The following DCC variants were observed in gnomAD, a reference collection of about 807,000 sequenced individuals.
DCC encodes netrin receptor DCC.
A neutral mutation model predicts 172.5 loss-of-function variants in DCC; 58 were observed. The ratio of observed to expected loss-of-function variants is 0.34; its 90% CI spans 0.27 to 0.42. The LOEUF (loss-of-function observed/expected upper bound fraction) is 0.42, where lower values mean the gene tolerates loss of function less well. Ranked by LOEUF, DCC falls within the 10% of genes least tolerant of loss-of-function variation. The pLI is 1.00. For synonymous variants in DCC, 709 were observed against 644.5 expected (o/e 1.10, Z -1.52); for missense variants, 1,740 against 1,791.0 (o/e 0.97, Z 0.51).
Position 52,668,484 on chromosome 18 carries a change from G to A in DCC, c.92-83570G>A, listed in dbSNP as rs552611726. On this transcript the variant is annotated intron_variant, in intron 1 of 28. Transcript: ENST00000442544. ...TTAATTAAGTGCTGTTAGTTCACAA[G>A]ATGATCTCTCATCTTGAAAGTGTCT... Among the ~76,000 whole-genome samples the A allele has an allele frequency of 2.0e-5, 3 of 152,276 alleles. No homozygotes were observed. In the South Asian group the frequency reaches 6.2e-4, roughly 32 times the overall value.
At chr18:52,393,684 T>C (rs1372156756) in intron 1 of DCC, among the ~76,000 whole-genome samples, 7 of 152,070 alleles carry the variant, frequency 4.6e-5, no homozygotes, top group African/African-American at 1.7e-4. Context: ...CAGGAAATTC[T>C]AAAACCTGTT....
intron 1 of DCC, among the ~76,000 whole-genome samples, chr18:52,697,368 C>A (rs1467727418): frequency 6.6e-6 from 1 of 152,134 alleles, no homozygotes; most frequent in African/African-American, 2.4e-5. Context: ...ATGATGTGTT[C>A]ATGGCAGCGA....
intron 2 of DCC, among the ~76,000 whole-genome samples, chr18:52,768,603 A>G (rs1480299103): frequency 6.6e-6 from 1 of 152,168 alleles, no homozygotes; most frequent in Non-Finnish European, 1.5e-5. Context: ...CAACATTTGT[A>G]TTATGTTGTG....
intron 1 of DCC, among the ~76,000 whole-genome samples, chr18:52,574,921 A>G: frequency 6.6e-6 from 1 of 152,182 alleles, no homozygotes; most frequent in South Asian, 2.1e-4. Flanking sequence ...TTAGAAATGC[A>G]AAGTCATAGA....
At chr18:52,964,702 A>G (rs1038573512) in intron 5 of DCC, among the ~76,000 whole-genome samples, 2 of 152,000 alleles carry the variant, frequency 1.3e-5, no homozygotes, top group African/African-American at 4.8e-5. Context: ...CTAGTTTCCT[A>G]TTACTGCTGT....
rs151329802 is a variant in DCC, at chr18:53,475,755, C to A, written c.3736+7745C>A. On this transcript the variant is annotated intron_variant, in intron 25 of 28. Transcript: ENST00000442544. ...TCAGAGCCCCCACACAGAGTCCCTACTGGGTCACCATCTAGTGGAGCTGTG... is the reference window on the plus strand; with the variant it reads ...TCAGAGCCCCCACACAGAGTCCCTAATGGGTCACCATCTAGTGGAGCTGTG... Among the ~76,000 whole-genome samples the A allele has an allele frequency of 1.1e-4, 17 of 152,332 alleles. No homozygotes were observed. The South Asian group carries it at 2.5e-3, about 22-fold the overall frequency.
intron 5 of DCC, among the ~76,000 whole-genome samples, chr18:53,021,420 C>T (rs2041879971): frequency 6.6e-6 from 1 of 152,056 alleles, no homozygotes; most frequent in Admixed American, 6.6e-5. Flanking sequence ...ATATCGTGTT[C>T]TATTATGAGT....
At chr18:52,636,366 G>T (rs1423751864) in intron 1 of DCC, among the ~76,000 whole-genome samples, 1 of 126,278 alleles carries the variant, frequency 7.9e-6, no homozygotes, top group Non-Finnish European at 1.6e-5. Context: ...ACGAATTGGG[G>T]ATACAGACTC....
At chr18:53,143,357 C>T (rs1018095115) in intron 7 of DCC, among the ~76,000 whole-genome samples, 2 of 152,230 alleles carry the variant, frequency 1.3e-5, no homozygotes, top group South Asian at 2.1e-4. Context: ...AGCAGTGATT[C>T]CTCCTTTTGA....
chr18:52,803,092 A>C (rs1341941646), intron 2 of DCC, among the ~76,000 whole-genome samples: 4 of 152,196 alleles, frequency 2.6e-5, no homozygotes, highest in Admixed American at 2.6e-4. Context: ...AGTACATATC[A>C]AACAATTCGG....
intron 7 of DCC, among the ~76,000 whole-genome samples, chr18:53,111,306 A>G (rs1284041909): frequency 2.0e-5 from 3 of 150,064 alleles, no homozygotes; most frequent in Admixed American, 6.6e-5. Flanking sequence ...GCTAAATGAC[A>G]AGTTACTGGG....
At chr18:52,963,032 C>T (rs2040868668) in intron 5 of DCC, among the ~76,000 whole-genome samples, 1 of 151,252 alleles carries the variant, frequency 6.6e-6, no homozygotes, top group Non-Finnish European at 1.5e-5. Context: ...GTGCAGCACA[C>T]CAACATGGCA....
Position 53,290,957 on chromosome 18 carries a change from A to G in DCC, c.1912-14621A>G, listed in dbSNP as rs1217360651. On this transcript the variant is annotated intron_variant, in intron 12 of 28. Transcript: ENST00000442544. The stretch of plus-strand genomic sequence containing the variant: ...GCTGAGGCTAGCGGATCACGAGGTC[A>G]GGAGTTCAAGAATAGCCTGGCCAAC... Among the ~76,000 whole-genome samples, 3 of 152,316 alleles carry G rather than the reference A, an allele frequency of 2.0e-5. No individual in the cohort carries two copies. In the East Asian group the frequency reaches 5.8e-4, roughly 29 times the overall value.
chr18:52,825,730 C>G (rs899332198), intron 2 of DCC, among the ~76,000 whole-genome samples: 1 of 152,006 alleles, frequency 6.6e-6, no homozygotes, highest in African/African-American at 2.4e-5. Context: ...TATGAACAAG[C>G]CTCAAACTGT....
intron 12 of DCC, among the ~76,000 whole-genome samples, chr18:53,256,313 C>T (rs2056513014): frequency 6.6e-6 from 1 of 152,156 alleles, no homozygotes; most frequent in Non-Finnish European, 1.5e-5. Flanking sequence ...AATGGCATTG[C>T]CTAGGTTTTC....
chr18:52,644,472 G>T (rs1204851414), intron 1 of DCC, among the ~76,000 whole-genome samples: 1 of 151,904 alleles, frequency 6.6e-6, no homozygotes, highest in Non-Finnish European at 1.5e-5. Flanking sequence ...CCAGCTACTA[G>T]GGAGGCTGAG....
intron 7 of DCC, among the ~76,000 whole-genome samples, chr18:53,113,600 A>T (rs370458451): frequency 6.6e-5 from 10 of 151,580 alleles, no homozygotes; most frequent in African/African-American, 2.4e-4. Flanking sequence ...AGTCACATGG[A>T]AATAAAAGTT....
chr18:53,083,722 C>A (rs2042837920), intron 7 of DCC, among the ~76,000 whole-genome samples: 1 of 152,082 alleles, frequency 6.6e-6, no homozygotes. Flanking sequence ...TTTACATGTG[C>A]ATAGAGACCT....
intron 22 of DCC, among the ~76,000 whole-genome samples, chr18:53,444,572 C>T (rs1476650692): frequency 6.6e-6 from 1 of 152,178 alleles, no homozygotes; most frequent in East Asian, 1.9e-4. Context: ...CATCACTCAG[C>T]AGCCATCAAC....
Sources: allele counts gnomAD v4.1 joint callset (sites outside exome capture counted in the v4.1 genomes callset), GRCh38; gene constraint gnomAD v4.1.1; transcripts MANE v1.5; gene names NCBI Gene and HGNC (gene_info 2026-07-23, HGNC 2026-07-21).